ARID2: variants seen among roughly 807,000 people sequenced by gnomAD.
ARID2 encodes AT-rich interaction domain 2, also known as AT-rich interactive domain-containing protein 2.
In ARID2, 32 loss-of-function variants were observed where a neutral mutation model predicts 184.6. The observed-to-expected ratio is 0.17, with a 90% CI of 0.13 to 0.23. The LOEUF is 0.23. Among genes scored for constraint, ARID2 ranks in the 10% least tolerant of loss-of-function variants. The probability of loss-of-function intolerance (pLI) is 1.00; values close to 1 mark genes in which losing one functional copy is unlikely to be tolerated. For synonymous variants in ARID2, 836 were observed against 772.6 expected (o/e 1.08, Z -1.36); for missense variants, 1,696 against 2,197.6 (o/e 0.77, Z 4.56).
chr12:45,867,922 T>C (rs1943857483), intron 16 of ARID2, among the ~76,000 whole-genome samples: 1 of 152,100 alleles, frequency 6.6e-6, no homozygotes, highest in Admixed American at 6.5e-5. Context: ...ATTAATATAA[T>C]AACATGTGTC....
At chr12:45,897,856 T>TA (rs998391499) in intron 20 of ARID2, among the ~76,000 whole-genome samples, 1 of 152,104 alleles carries the variant, frequency 6.6e-6, no homozygotes, top group Admixed American at 6.6e-5. Context: ...TTTTTTTTTT[T>TA]ATCTTTGAGA....
At chr12:45,772,292 C>G (rs1941893149) in intron 3 of ARID2, among the ~76,000 whole-genome samples, 1 of 152,108 alleles carries the variant, frequency 6.6e-6, no homozygotes, top group African/African-American at 2.4e-5. Flanking sequence ...ATCAAACAGT[C>G]AATTCAGAAG....
rs2138177445 is a variant in ARID2, at chr12:45,852,277, T to C, written c.4154T>C (p.Val1385Ala). 1.2e-6 allele frequency: 2 copies of C among 1,614,026 alleles called. No individual in the cohort carries two copies. The highest frequency in any genetic ancestry group is 1.7e-6 in the Non-Finnish European group (2 of 1,179,988). Residue 1385 changes from valine (V) to alanine (A), a missense_variant, in exon 15 of 21, where the codon GTA (valine) becomes GCA (alanine). Physicochemically the swap from Val to Ala is moderately conservative, Grantham distance 64. Transcript: ENST00000334344. The part of the protein sequence containing the change: ...NIPNHKTSNH[V>A]GNGEISPMEP... ...CCAAATCATAAAACTTCCAATCATGTAGGAAATGGTGAGATATCTCCAATG... is the reference window on the plus strand; with the variant it reads ...CCAAATCATAAAACTTCCAATCATGCAGGAAATGGTGAGATATCTCCAATG...
chr12:45,835,595 A>C (rs915004444), intron 6 of ARID2, among the ~76,000 whole-genome samples: 1 of 152,174 alleles, frequency 6.6e-6, no homozygotes, highest in African/African-American at 2.4e-5. Flanking sequence ...AGTTGAAGAA[A>C]TTCTAAAGAA....
At chr12:45,894,379 T>TA (rs1439476228) in intron 20 of ARID2, among the ~76,000 whole-genome samples, 4 of 152,230 alleles carry the variant, frequency 2.6e-5, no homozygotes, top group Admixed American at 6.5e-5. Flanking sequence ...GTGTTCCTGA[T>TA]AGTCACTTTC....
intron 3 of ARID2, among the ~76,000 whole-genome samples, chr12:45,767,221 C>T (rs1021030328): frequency 1.3e-5 from 2 of 152,056 alleles, no homozygotes; most frequent in Admixed American, 6.6e-5. Context: ...GTCTTTTGTG[C>T]ACCTTTGAAA....
At position 45,848,742 on chromosome 12, in the gene ARID2, G is replaced by C. The variant is rs531417624; in HGVS notation, c.1581-94G>C. On this transcript the variant is annotated intron_variant, in intron 12 of 20. Transcript: ENST00000334344. ...ATTTGATTAGTAGGTATAATTATTA[G>C]TTTTAACACATTGCCTCCACATGGC... The C allele has an allele frequency of 3.6e-5, 40 of 1,114,628 alleles. No homozygotes were observed. The African/African-American group carries it at 5.9e-4, about 16-fold the overall frequency. 69.0% of individuals were successfully genotyped at this position (1,114,628 alleles called of 1,614,324 possible). A position where few individuals can be genotyped will look rare whatever the true frequency, so the allele number is the denominator to read the frequency against.
At chr12:45,748,588 C>T (rs767983717) in intron 3 of ARID2, among the ~76,000 whole-genome samples, 1 of 152,082 alleles carries the variant, frequency 6.6e-6, no homozygotes, top group Non-Finnish European at 1.5e-5. Flanking sequence ...TTTGCTGCAT[C>T]GATCAACTCT....
Position 45,851,720 on chromosome 12 carries a change from A to T in ARID2, c.3597A>T (p.Ala1199=), listed in dbSNP as rs1209434113. 6.2e-7 allele frequency: 1 copy of T among 1,614,176 alleles called. No individual in the cohort carries two copies. The highest frequency in any genetic ancestry group is 1.1e-5 in the South Asian group (1 of 91,088). Residue 1199 remains alanine (A), a synonymous_variant, in exon 15 of 21, where the codon GCA becomes GCT. Coordinates refer to ENST00000334344, the MANE Select transcript of ARID2 (RefSeq NM_152641.4). ...QGNATQLIAP[A]GITMSGTQTG... is the part of the protein sequence containing the mutation. ...ATGCAACTCAGCTCATTGCTCCAGCAGGAATTACCATGAGCGGAACGCAGA... is the reference window on the plus strand; with the variant it reads ...ATGCAACTCAGCTCATTGCTCCAGCTGGAATTACCATGAGCGGAACGCAGA...
chr12:45,811,160 G>T (rs1942698777), intron 3 of ARID2, among the ~76,000 whole-genome samples: 1 of 150,342 alleles, frequency 6.7e-6, no homozygotes, highest in African/African-American at 2.5e-5. Context: ...AGTGAGCTGA[G>T]ATCGCACCAC....
intron 3 of ARID2, among the ~76,000 whole-genome samples, chr12:45,793,686 T>C (rs1942335085): frequency 2.0e-5 from 3 of 151,632 alleles, no homozygotes; most frequent in Admixed American, 1.3e-4. Flanking sequence ...TACATATTTA[T>C]ATATACACAC....
At chr12:45,842,554 T>C (rs759436975) in intron 11 of ARID2, among the ~76,000 whole-genome samples, 6 of 151,916 alleles carry the variant, frequency 3.9e-5, no homozygotes, top group Non-Finnish European at 5.9e-5. Flanking sequence ...GTCAAGAGAT[T>C]GAGACCATCC....
At position 45,850,889 on chromosome 12, in the gene ARID2, C is replaced by A. The variant is rs1460461207; in HGVS notation, c.2766C>A (p.Thr922=). 1.2e-6 allele frequency: 2 copies of A among 1,613,956 alleles called. No individual in the cohort carries two copies. Among genetic ancestry groups the A allele is most frequent in the African/African-American group, 2.7e-5 (2 of 74,896 alleles). The change falls in exon 15 of 21, where the codon ACC becomes ACA. Residue 922 remains threonine (T), a synonymous_variant. Transcript: ENST00000334344. Reference sequence around the variant, plus strand: ...CTATTCAACAACCACAGCAGCCAACCCAACAAAGCGTAGTGATTGTAAGCC... The same window carrying A: ...CTATTCAACAACCACAGCAGCCAACACAACAAAGCGTAGTGATTGTAAGCC... ...QQPIQQPQQP[T]QQSVVIVSQP...
intron 16 of ARID2, among the ~76,000 whole-genome samples, chr12:45,889,802 G>T (rs1944264086): frequency 6.6e-6 from 1 of 152,216 alleles, no homozygotes; most frequent in Non-Finnish European, 1.5e-5. Context: ...GCTGGGCGTG[G>T]TGGCAGGTGC....
chr12:45,899,037 G>A (rs1334163366), intron 20 of ARID2, among the ~76,000 whole-genome samples: 3 of 151,926 alleles, frequency 2.0e-5, no homozygotes, highest in Non-Finnish European at 4.4e-5. Flanking sequence ...ACTTTGGGAG[G>A]CTGAGGCAGG....
At chr12:45,817,300 G>A (rs1942819687) in intron 4 of ARID2, among the ~76,000 whole-genome samples, 1 of 152,054 alleles carries the variant, frequency 6.6e-6, no homozygotes, top group Non-Finnish European at 1.5e-5. Flanking sequence ...GCTGCAGTGA[G>A]CTATGAAAGC....
chr12:45,785,666 A>G (rs1942183339), intron 3 of ARID2, among the ~76,000 whole-genome samples: 1 of 152,164 alleles, frequency 6.6e-6, no homozygotes, highest in Non-Finnish European at 1.5e-5. Flanking sequence ...AGTATTTTGA[A>G]TTTTCAGATT....
intron 16 of ARID2, among the ~76,000 whole-genome samples, chr12:45,874,983 G>C (rs247920): frequency 0.61 from 92,809 of 152,038 alleles, 30,091 homozygotes; most frequent in African/African-American, 0.85. Context: ...AATAGGTGGT[G>C]ATGGTGGCCC....
At chr12:45,889,600 T>C (rs576338358) in intron 16 of ARID2, among the ~76,000 whole-genome samples, 1 of 152,344 alleles carries the variant, frequency 6.6e-6, no homozygotes, top group East Asian at 1.9e-4. Context: ...GCTTTACATT[T>C]CTTTAGAGTT....
Sources: allele counts gnomAD v4.1 joint callset (sites outside exome capture counted in the v4.1 genomes callset), GRCh38; gene constraint gnomAD v4.1.1; transcripts MANE v1.5; gene names NCBI Gene and HGNC (gene_info 2026-07-23, HGNC 2026-07-21).